SH2D4B: variants seen among roughly 807,000 people sequenced by gnomAD.
The protein encoded by SH2D4B is SH2 domain-containing protein 4B.
Under a neutral mutation model 61.5 loss-of-function variants are expected in SH2D4B, and 45 were observed. The ratio of observed to expected loss-of-function variants is 0.73; its 90% confidence interval spans 0.58 to 0.94. The LOEUF is 0.94. SH2D4B is among the 40% of genes least tolerant of loss of function. SH2D4B has a pLI of 0.00. For missense variants in SH2D4B, 572 were observed against 574.2 expected (o/e 1.00, Z 0.04); for synonymous variants, 224 against 220.4 (o/e 1.02, Z -0.14).
intron 4 of SH2D4B, among the ~76,000 whole-genome samples, chr10:80,601,329 A>G (rs891228407): frequency 6.6e-6 from 1 of 152,098 alleles, no homozygotes; most frequent in Non-Finnish European, 1.5e-5. Context: ...ACAATACTTT[A>G]TTGGTCTCTT....
At chr10:80,620,450 A>G (rs539374239) in intron 6 of SH2D4B, among the ~76,000 whole-genome samples, 12 of 152,310 alleles carry the variant, frequency 7.9e-5, no homozygotes, top group African/African-American at 2.6e-4. Flanking sequence ...TTGTGAGTCA[A>G]TTAAACCTCT....
rs551090464 is a variant in SH2D4B, at chr10:80,541,195, CT to C, written c.184+2681del. ...AGAGGAGGAGATTTCAGGGAACCCC[CT>C]GGGTTACTGTCTCCTTTCTCCCTTC... On this transcript the variant is annotated intron_variant, in intron 1 of 7. Transcript: ENST00000646907. Among the ~76,000 whole-genome samples, 482 of 152,318 alleles carry C rather than the reference CT, an allele frequency of 3.2e-3. 3 individuals are homozygous for C. Among genetic ancestry groups the C allele is most frequent in the African/African-American group, 0.011 (473 of 41,564 alleles).
At chr10:80,577,135 A>G (rs1264286216) in intron 3 of SH2D4B, among the ~76,000 whole-genome samples, 1 of 152,220 alleles carries the variant, frequency 6.6e-6, no homozygotes, top group East Asian at 1.9e-4. Context: ...TGCGATGCTC[A>G]TTTTTGGAAG....
chr10:80,547,118 C>T (rs1470410643), intron 1 of SH2D4B, among the ~76,000 whole-genome samples: 1 of 152,178 alleles, frequency 6.6e-6, no homozygotes, highest in Admixed American at 6.5e-5. Flanking sequence ...GGTTTCATTG[C>T]TCCCTGTATG....
intron 3 of SH2D4B, among the ~76,000 whole-genome samples, chr10:80,572,665 G>T (rs9664035): frequency 0.015 from 2,226 of 151,786 alleles, 59 homozygotes; most frequent in African/African-American, 0.05. Flanking sequence ...TGTTGCCCAG[G>T]CTGGAGTTCA....
rs530012522 is a variant in SH2D4B, at chr10:80,642,203, C to T, written c.1210-1790C>T. ...AGATCCTGGGCTCAAGTGATCCTCCCACCTCAGCATCCCTAGTAGCTGGGA... is the reference window on the plus strand; with the variant it reads ...AGATCCTGGGCTCAAGTGATCCTCCTACCTCAGCATCCCTAGTAGCTGGGA... On this transcript the variant is annotated intron_variant, in intron 7 of 7. Coordinates refer to ENST00000646907, the MANE Select transcript of SH2D4B (RefSeq NM_001388272.1). 2.6e-5 allele frequency among the ~76,000 whole-genome samples: 4 copies of T among 152,270 alleles called. No individual in the cohort carries two copies. In the South Asian group the frequency reaches 6.2e-4, roughly 24 times the overall value.
intron 7 of SH2D4B, among the ~76,000 whole-genome samples, chr10:80,638,345 A>G (rs192386521): frequency 1.3e-5 from 2 of 152,288 alleles, no homozygotes; most frequent in Non-Finnish European, 2.9e-5. Flanking sequence ...TGATTGGAAT[A>G]ATTTCAGAAG....
rs777787564 is a variant in SH2D4B, at chr10:80,588,624, T to A, written c.496-6T>A. The A allele has an allele frequency of 9.3e-6, 15 of 1,613,508 alleles. No individual in the cohort carries two copies. The East Asian group carries it at 3.1e-4, about 34-fold the overall frequency. On this transcript the variant is annotated splice_region_variant and splice_polypyrimidine_tract_variant and intron_variant, in intron 3 of 7. Transcript: ENST00000646907. ...CTCGTGTTGTTCTGTTCCCATGACA[T>A]TTTAGAGGAAAGAGGAAGAGGAGAG...
chr10:80,543,212 T>C (rs904713764), intron 1 of SH2D4B, among the ~76,000 whole-genome samples: 4 of 152,104 alleles, frequency 2.6e-5, no homozygotes, highest in African/African-American at 9.7e-5. Context: ...TGGGAGCCCC[T>C]TTCTGGGCTG....
At chr10:80,588,602 G>A (rs745846026) in intron 3 of SH2D4B, 28 bp from the exon 4 acceptor site, 16 of 1,611,664 alleles carry the variant, frequency 9.9e-6, no homozygotes, top group Middle Eastern at 1.7e-4. Context: ...TGGTCATCTC[G>A]TGTTGTTCTG....
intron 1 of SH2D4B, among the ~76,000 whole-genome samples, chr10:80,560,079 C>T (rs1267878774): frequency 6.7e-6 from 1 of 149,978 alleles, no homozygotes; most frequent in Non-Finnish European, 1.5e-5. Flanking sequence ...GCTCCGCCTC[C>T]CAGGTTCACG....
chr10:80,593,082 T>C (rs1842350194), intron 4 of SH2D4B, among the ~76,000 whole-genome samples: 2 of 152,184 alleles, frequency 1.3e-5, no homozygotes, highest in African/African-American at 2.4e-5. Flanking sequence ...CAGTATGACA[T>C]AGTCTCGATT....
intron 7 of SH2D4B, among the ~76,000 whole-genome samples, 159 bp from the exon 8 acceptor site, chr10:80,643,834 T>C (rs1214049578): frequency 6.6e-6 from 1 of 152,200 alleles, no homozygotes; most frequent in Non-Finnish European, 1.5e-5. Context: ...TTATTTCTTT[T>C]TAAAGGCAGC....
chr10:80,607,030 A>C (rs948786696), intron 5 of SH2D4B, among the ~76,000 whole-genome samples: 6 of 152,206 alleles, frequency 3.9e-5, no homozygotes, highest in Non-Finnish European at 5.9e-5. Flanking sequence ...AAAAGAAAAA[A>C]GAAGTGAAAA....
At chr10:80,621,258 A>G (rs757980107) in intron 6 of SH2D4B, among the ~76,000 whole-genome samples, 1 of 152,254 alleles carries the variant, frequency 6.6e-6, no homozygotes, top group Admixed American at 6.5e-5. Flanking sequence ...AACATCCTGC[A>G]GTGCACAAGG....
chr10:80,585,746 A>G (rs6586089), intron 3 of SH2D4B, among the ~76,000 whole-genome samples: 75,673 of 152,078 alleles, frequency 0.5, 20,217 homozygotes, highest in African/African-American at 0.7. Flanking sequence ...CACTCTGGGC[A>G]CCTCCTCTGC....
At chr10:80,565,309 A>T (rs1024611238) in intron 1 of SH2D4B, among the ~76,000 whole-genome samples, 1 of 83,596 alleles carries the variant, frequency 1.2e-5, no homozygotes, top group Non-Finnish European at 2.4e-5. Flanking sequence ...TGTACCCCCC[A>T]CCCCCAGCCC....
intron 1 of SH2D4B, among the ~76,000 whole-genome samples, chr10:80,544,834 A>G (rs1180332723): frequency 6.6e-6 from 1 of 152,216 alleles, no homozygotes; most frequent in African/African-American, 2.4e-5. Context: ...CACTCATGAA[A>G]GGCACAGGCC....
intron 4 of SH2D4B, among the ~76,000 whole-genome samples, chr10:80,594,141 C>T (rs531153843): frequency 1.3e-5 from 2 of 152,078 alleles, no homozygotes; most frequent in Non-Finnish European, 2.9e-5. Flanking sequence ...TCATACATAA[C>T]CTTGGGTTCA....
Sources: gnomAD v4.1 joint callset for allele counts (sites outside exome capture counted in the v4.1 genomes callset) on GRCh38, gnomAD v4.1.1 for gene constraint, MANE v1.5 for transcripts, NCBI Gene and HGNC (gene_info 2026-07-23, HGNC 2026-07-21) for gene names.